Variants in HNRNPF observed in about 807,000 individuals in gnomAD.
The protein encoded by HNRNPF is heterogeneous nuclear ribonucleoprotein F.
HNRNPF carries 2 observed loss-of-function variants against 26.0 expected under a neutral mutation model. The ratio of observed to expected loss-of-function variants is 0.08; its 90% confidence interval spans 0.03 to 0.24. The LOEUF is 0.24. Ranked by LOEUF, HNRNPF falls within the 10% of genes least tolerant of loss-of-function variation. HNRNPF has a pLI of 1.00. For synonymous variants in HNRNPF, 234 were observed against 211.5 expected, an observed-to-expected ratio of 1.11 and a Z score of -0.92; for missense variants, 299 against 539.2, an observed-to-expected ratio of 0.55 and a Z score of 4.41.
At chr10:43,408,862 T>C (rs1839014442) in intron 1 of HNRNPF, 1 of 152,304 alleles carries the variant, frequency 6.6e-6, no homozygotes, top group Admixed American at 6.5e-5. Flanking sequence ...ACCATCACCA[T>C]GGAAACCCCC....
intron 1 of HNRNPF, among the ~76,000 whole-genome samples, chr10:43,402,788 T>A (rs749263822): frequency 1.7e-4 from 26 of 152,046 alleles, no homozygotes; most frequent in Admixed American, 3.9e-4. Context: ...TAAGTAAGAG[T>A]ATCTGTATTT....
At chr10:43,408,255 C>CG (rs1007986832) in intron 1 of HNRNPF, among the ~76,000 whole-genome samples, 34 of 152,170 alleles carry the variant, frequency 2.2e-4, no homozygotes, top group African/African-American at 8.2e-4. Flanking sequence ...GCCGGACTAA[C>CG]GCACCCGGCC....
intron 3 of HNRNPF, among the ~76,000 whole-genome samples, chr10:43,392,155 G>A (rs370874475): frequency 6.6e-5 from 10 of 152,338 alleles, no homozygotes; most frequent in African/African-American, 2.4e-4. Flanking sequence ...TGTAATCCCA[G>A]CACTTTGGGT....
rs763741730 is a variant in HNRNPF at position 43,387,548 on chromosome 10, C to G, written c.337G>C (p.Val113Leu). 6.2e-7 allele frequency: 1 copy of G among 1,614,198 alleles called. No homozygotes were observed. The highest frequency in any genetic ancestry group is 2.2e-5 in the East Asian group (1 of 44,892). The change falls in exon 4 of 4, where the codon GTG (valine) becomes CTG (leucine). Residue 113 changes from valine to leucine, a missense_variant. Transcript: ENST00000682386. This position sits in a 1 kb window ranked among gnomAD's most constrained non-coding sequence, Gnocchi z 6.0. The part of the protein sequence containing the change: ...NSADSANDGF[V>L]RLRGLPFGCT... ...CCAAATGGGAGTCCTCGAAGCCGCA[C>G]GAAGCCATCGTTGGCGCTGTCGGCA...
intron 3 of HNRNPF, among the ~76,000 whole-genome samples, chr10:43,394,212 C>T (rs540072608): frequency 1.8e-4 from 27 of 152,056 alleles, no homozygotes; most frequent in Non-Finnish European, 3.5e-4. Context: ...AAGGCAGTGG[C>T]CTGGCTAGGC....
intron 3 of HNRNPF, among the ~76,000 whole-genome samples, chr10:43,391,126 G>A (rs375994395): frequency 4.0e-5 from 6 of 151,858 alleles, no homozygotes; most frequent in Admixed American, 2.0e-4. Context: ...CCTCTGTCTC[G>A]ACTAAAAATA....
intron 1 of HNRNPF, among the ~76,000 whole-genome samples, chr10:43,403,303 G>A (rs770475230): frequency 5.1e-4 from 78 of 152,196 alleles, no homozygotes; most frequent in Middle Eastern, 6.8e-3. Flanking sequence ...GAACCACCCC[G>A]CCCAGCCTGT....
chr10:43,386,582 T>TG lies in HNRNPF; in HGVS notation c.*54dup. 1 of 1,476,502 alleles carries TG rather than the reference T, an allele frequency of 6.8e-7. No individual in the cohort carries two copies. Among genetic ancestry groups the TG allele is most frequent in the Non-Finnish European group, 9.0e-7 (1 of 1,110,742 alleles). 91.5% of individuals were successfully genotyped at this position (1,476,502 alleles called of 1,614,324 possible). A position where few individuals can be genotyped will look rare whatever the true frequency, so the allele number is the denominator to read the frequency against. On this transcript the variant is annotated 3_prime_UTR_variant, in exon 4 of 4. Coordinates refer to ENST00000682386, the MANE Select transcript of HNRNPF (RefSeq NM_001098204.2). ...TTCCTCTATTATAACTGCTCTTAAT[T>TG]GCTTGTTGGCTGCCTGTGAAAATGA... is the stretch of plus-strand genomic sequence containing the variant.
intron 1 of HNRNPF, among the ~76,000 whole-genome samples, chr10:43,407,027 C>T (rs1488893905): frequency 6.6e-6 from 1 of 152,196 alleles, no homozygotes. Context: ...AAATTTTCAT[C>T]TTACTAGGAA....
At chr10:43,391,351 C>CGAGGCCACTACTTG (rs1171571741) in intron 3 of HNRNPF, among the ~76,000 whole-genome samples, 14 of 151,248 alleles carry the variant, frequency 9.3e-5, no homozygotes, top group Admixed American at 2.0e-4. Flanking sequence ...CCAGCCACTA[C>CGAGGCCACTACTTG]GGAGGCTGAG....
Position 43,386,540 on chromosome 10 carries a change from A to C in HNRNPF, c.*97T>G. The C allele has an allele frequency of 8.2e-7, 1 of 1,215,436 alleles. No individual in the cohort carries two copies. The highest frequency in any genetic ancestry group is 1.8e-5 in the South Asian group (1 of 54,568). The allele number at this position is 1,215,436 out of a possible 1,614,324, so 75.3% of individuals were successfully genotyped here. A position where few individuals can be genotyped will look rare whatever the true frequency, so the allele number is the denominator to read the frequency against. On this transcript the variant is annotated 3_prime_UTR_variant, in exon 4 of 4. Transcript: ENST00000682386. ...CAGATTTTTCACAAACTCATGGTGC[A>C]AAATGGGTCCCCCAGCTTCCTCTAT...
chr10:43,393,800 A>C (rs771929884), intron 3 of HNRNPF, among the ~76,000 whole-genome samples: 5 of 152,062 alleles, frequency 3.3e-5, no homozygotes, highest in Non-Finnish European at 5.9e-5. Flanking sequence ...ACCTAAGCTC[A>C]CATCACTTCC....
At chr10:43,404,043 T>C (rs1288561480) in intron 1 of HNRNPF, among the ~76,000 whole-genome samples, 1 of 151,548 alleles carries the variant, frequency 6.6e-6, no homozygotes, top group Non-Finnish European at 1.5e-5. Flanking sequence ...ACGCCTGTAA[T>C]CCCAGCACTT....
intron 3 of HNRNPF, among the ~76,000 whole-genome samples, chr10:43,393,425 G>A (rs371423250): frequency 1.3e-5 from 2 of 152,006 alleles, no homozygotes; most frequent in African/African-American, 2.4e-5. Context: ...GAGAAACTCC[G>A]TTTCTACTAA....
In HNRNPF at chr10:43,386,600, G is replaced by A. The variant is rs1313644598; in HGVS notation, c.*37C>T. ...TCTTAATTGCTTGTTGGCTGCCTGT[G>A]AAAATGATTGAAGTAACTCAAATGT... On this transcript the variant is annotated 3_prime_UTR_variant, in exon 4 of 4. Transcript: ENST00000682386. 2.0e-6 allele frequency: 3 copies of A among 1,499,992 alleles called. No homozygotes were observed. The highest frequency in any genetic ancestry group is 2.7e-6 in the Non-Finnish European group (3 of 1,128,340). 92.9% of individuals were successfully genotyped at this position (1,499,992 alleles called of 1,614,324 possible).
chr10:43,386,610 GAAGT>G lies in HNRNPF; in HGVS notation c.*23_*26del, dbSNP rs1564392241. The G allele has an allele frequency of 6.6e-7, 1 of 1,508,992 alleles. No individual in the cohort carries two copies. Among genetic ancestry groups the G allele is most frequent in the Non-Finnish European group, 8.8e-7 (1 of 1,132,904 alleles). 93.5% of individuals were successfully genotyped at this position (1,508,992 alleles called of 1,614,324 possible). On this transcript the variant is annotated 3_prime_UTR_variant, in exon 4 of 4. Coordinates refer to ENST00000682386, the MANE Select transcript of HNRNPF (RefSeq NM_001098204.2). Reference sequence around the variant, plus strand: ...TTGTTGGCTGCCTGTGAAAATGATTGAAGTAACTCAAATGTTCCTAACAAAACTA... The same window carrying G: ...TTGTTGGCTGCCTGTGAAAATGATTGAACTCAAATGTTCCTAACAAAACTA...
chr10:43,408,635 C>G (rs1262469511), intron 1 of HNRNPF: 1 of 151,998 alleles, frequency 6.6e-6, no homozygotes, highest in Non-Finnish European at 1.5e-5. Context: ...AATCTCAAAT[C>G]CCACCCCCCG....
chr10:43,405,101 ATT>A (rs970094965), intron 1 of HNRNPF, among the ~76,000 whole-genome samples: 62 of 152,186 alleles, frequency 4.1e-4, no homozygotes, highest in African/African-American at 1.4e-3. Context: ...AGTTCACAGG[ATT>A]TTGTTTTTAA....
intron 3 of HNRNPF, among the ~76,000 whole-genome samples, chr10:43,390,653 T>G (rs1838207254): frequency 6.6e-6 from 1 of 152,192 alleles, no homozygotes; most frequent in African/African-American, 2.4e-5. Flanking sequence ...TACATGGAAT[T>G]CATTCAATGA....
Sources: gnomAD v4.1 joint callset for allele counts (sites outside exome capture counted in the v4.1 genomes callset) on GRCh38, gnomAD v4.1.1 for gene constraint, Gnocchi (gnomAD v3.1) non-coding constraint, MANE v1.5 for transcripts, NCBI Gene and HGNC (gene_info 2026-07-23, HGNC 2026-07-21) for gene names.